The following RB1 variants were observed in gnomAD, a reference collection of about 807,000 sequenced individuals.
RB1 encodes RB transcriptional corepressor 1, also known as retinoblastoma-associated protein.
In RB1, 18 loss-of-function variants were observed where a neutral mutation model predicts 135.4. The ratio of observed to expected loss-of-function variants is 0.13; its 90% confidence interval spans 0.09 to 0.20. The LOEUF (loss-of-function observed/expected upper bound fraction) is 0.20, where lower values mean the gene tolerates loss of function less well. Ranked by LOEUF, RB1 falls within the 10% of genes least tolerant of loss-of-function variation. The probability of loss-of-function intolerance (pLI) is 1.00; values close to 1 mark genes in which losing one functional copy is unlikely to be tolerated. For missense variants in RB1, 868 were observed against 1,110.0 expected, an observed-to-expected ratio of 0.78 and a Z score of 3.10; for synonymous variants, 365 against 373.2, an observed-to-expected ratio of 0.98 and a Z score of 0.25.
intron 12 of RB1, among the ~76,000 whole-genome samples, chr13:48,373,991 T>C (rs1054731689): frequency 6.6e-6 from 1 of 152,190 alleles, no homozygotes; most frequent in African/African-American, 2.4e-5. Flanking sequence ...TAAGAAGTCT[T>C]ATGCCACTCA....
rs1948522903 is a variant in RB1, at chr13:48,380,196, T to C, written c.1453T>C (p.Ser485Pro). 2 of 1,603,354 alleles carry C rather than the reference T, an allele frequency of 1.2e-6. No homozygotes were observed. Among genetic ancestry groups the C allele is most frequent in the South Asian group, 1.1e-5 (1 of 88,786 alleles). Reference protein sequence around the residue: ...KLLNDNIFHMSLLACALEVVM... With the variant: ...KLLNDNIFHMPLLACALEVVM... ...TCTGAATGACAACATTTTTCATATG[T>C]CTTTATTGGCGTGCGCTCTTGAGGT... The change falls in exon 16 of 27, where the codon TCT (serine) becomes CCT (proline). Residue 485 changes from serine to proline, a missense_variant. By Grantham distance (74) the Ser-to-Pro change is moderately conservative. This residue lies in a region of RB1 where 641 missense variants were observed against 791.3 expected (regional missense o/e 0.81). Transcript: ENST00000267163.
chr13:48,324,142 A>T (rs2138060037), intron 2 of RB1, among the ~76,000 whole-genome samples: 1 of 152,248 alleles, frequency 6.6e-6, no homozygotes, highest in East Asian at 1.9e-4. Context: ...ATGTGTAATG[A>T]CCAAATCATG....
At chr13:48,364,788 T>C (rs538954941) in intron 8 of RB1, 106 bp from the exon 9 acceptor site, 5 of 1,293,238 alleles carry the variant, frequency 3.9e-6, no homozygotes, top group Non-Finnish European at 5.2e-6. Flanking sequence ...GATTTTTTAC[T>C]GCATGGGGGA....
At chr13:48,397,143 G>A (rs1948655146) in intron 17 of RB1, among the ~76,000 whole-genome samples, 1 of 152,140 alleles carries the variant, frequency 6.6e-6, no homozygotes, top group Admixed American at 6.5e-5. Context: ...TCCCATTACT[G>A]AGCATATACC....
chr13:48,358,440 G>C (rs1175666992), intron 6 of RB1, among the ~76,000 whole-genome samples: 1 of 152,108 alleles, frequency 6.6e-6, no homozygotes, highest in Non-Finnish European at 1.5e-5. Flanking sequence ...TATGGTATGG[G>C]AGCAGGCATT....
intron 17 of RB1, among the ~76,000 whole-genome samples, chr13:48,442,122 C>T (rs1465808985): frequency 6.6e-6 from 1 of 152,136 alleles, no homozygotes; most frequent in Non-Finnish European, 1.5e-5. Context: ...GCTTCAAGAA[C>T]TTTCCTATTC....
chr13:48,317,069 G>A, intron 2 of RB1: 1 of 778,938 alleles, frequency 1.3e-6, no homozygotes, highest in Non-Finnish European at 1.8e-6. Context: ...GTGCCTTGCT[G>A]CTTGGCCAGG....
intron 17 of RB1, chr13:48,424,189 G>T (rs1214039788): frequency 6.6e-6 from 1 of 152,470 alleles, no homozygotes; most frequent in Non-Finnish European, 1.5e-5. Context: ...TATGTTGACA[G>T]AATATATTTA....
intron 6 of RB1, among the ~76,000 whole-genome samples, chr13:48,357,983 C>T (rs1952607562): frequency 6.6e-6 from 1 of 152,110 alleles, no homozygotes; most frequent in South Asian, 2.1e-4. Context: ...TACTTAACTA[C>T]ATTTGCGATA....
intron 6 of RB1, among the ~76,000 whole-genome samples, chr13:48,355,951 A>G (rs915787701): frequency 2.6e-5 from 4 of 152,024 alleles, no homozygotes; most frequent in African/African-American, 9.7e-5. Flanking sequence ...AGAGGTGAGG[A>G]TGGTTAATGG....
At chr13:48,323,230 T>C (rs564134397) in intron 2 of RB1, among the ~76,000 whole-genome samples, 113 of 152,292 alleles carry the variant, frequency 7.4e-4, no homozygotes, top group African/African-American at 2.7e-3. Flanking sequence ...TGTCAGTTTC[T>C]TTCTGAATCA....
intron 17 of RB1, among the ~76,000 whole-genome samples, chr13:48,387,795 T>C (rs1193040811): frequency 2.0e-5 from 3 of 152,166 alleles, no homozygotes; most frequent in African/African-American, 7.2e-5. Flanking sequence ...TATTAATAGA[T>C]TTAACCCACA....
intron 17 of RB1, among the ~76,000 whole-genome samples, chr13:48,436,346 T>C (rs920088987): frequency 6.6e-6 from 1 of 152,148 alleles, no homozygotes; most frequent in African/African-American, 2.4e-5. Context: ...AATATAGATA[T>C]AGTTAAAATC....
intron 17 of RB1, among the ~76,000 whole-genome samples, chr13:48,381,674 A>G (rs989904848): frequency 1.2e-4 from 18 of 152,302 alleles, no homozygotes; most frequent in Middle Eastern, 3.4e-3. Context: ...AGCTTTTCTT[A>G]AAACATGCCA....
intron 17 of RB1, among the ~76,000 whole-genome samples, chr13:48,385,818 G>A (rs1337794067): frequency 6.6e-6 from 1 of 152,046 alleles, no homozygotes; most frequent in African/African-American, 2.4e-5. Context: ...ACAGAATTTA[G>A]GATCTTCACA....
At position 48,342,901 on chromosome 13, in the gene RB1, C is replaced by T. The variant is rs549757453; in HGVS notation, c.380+187C>T. Among the ~76,000 whole-genome samples the T allele has an allele frequency of 7.9e-5, 12 of 152,154 alleles. No individual in the cohort carries two copies. In the East Asian group the frequency reaches 2.3e-3, roughly 29 times the overall value. ...ATGAAAGTGTATTTATGCTGTATTT[C>T]TTTAAGAGGTAGCAGTTTGTGTCCT... On this transcript the variant is annotated intron_variant, in intron 3 of 26. Transcript: ENST00000267163.
rs1952190399 is a variant in RB1 at position 48,317,031 on chromosome 13, C to T, written c.264+9625C>T. The T allele has an allele frequency of 6.3e-6, 4 of 630,660 alleles. No homozygotes were observed. The Admixed American group carries it at 1.4e-4, about 22-fold the overall frequency. 39.1% of individuals were successfully genotyped at this position (630,660 alleles called of 1,614,324 possible). ...AATGCTTTCCTCCGAGCCCGAGTTC[C>T]TCCTGTCGGGCAAACTCCGCCCTGT... is the stretch of plus-strand genomic sequence containing the variant. On this transcript the variant is annotated intron_variant, in intron 2 of 26. Coordinates refer to ENST00000267163, the MANE Select transcript of RB1 (RefSeq NM_000321.3).
intron 17 of RB1, among the ~76,000 whole-genome samples, chr13:48,405,773 A>G (rs1948734284): frequency 1.3e-5 from 2 of 152,174 alleles, no homozygotes; most frequent in Non-Finnish European, 2.9e-5. Context: ...TATTCCTTCT[A>G]TCCCATTTCC....
At chr13:48,312,699 G>A (rs185140091) in intron 2 of RB1, among the ~76,000 whole-genome samples, 14 of 152,206 alleles carry the variant, frequency 9.2e-5, no homozygotes, top group Admixed American at 5.2e-4. Flanking sequence ...TTTACCAGCA[G>A]TGCTTGGTTT....
Sources: allele counts gnomAD v4.1 joint callset (sites outside exome capture counted in the v4.1 genomes callset), GRCh38; gene constraint gnomAD v4.1.1; regional missense constraint gnomAD v4.1.1; transcripts MANE v1.5; gene names NCBI Gene and HGNC (gene_info 2026-07-23, HGNC 2026-07-21).